The following TXNDC16 variants were observed in gnomAD, a reference collection of about 807,000 sequenced individuals.
The protein encoded by TXNDC16 is thioredoxin domain containing 16.
In TXNDC16, 74 loss-of-function variants were observed where a neutral mutation model predicts 85.6. That is an observed-to-expected ratio of 0.86 (90% CI 0.72 to 1.05). The LOEUF (loss-of-function observed/expected upper bound fraction) is 1.05. TXNDC16 is among the 50% of genes least tolerant of loss of function. The probability of loss-of-function intolerance (pLI) is 0.00; values close to 1 mark genes in which losing one functional copy is unlikely to be tolerated. For missense variants in TXNDC16, 959 were observed against 947.0 expected, an observed-to-expected ratio of 1.01 and a Z score of -0.17; for synonymous variants, 335 against 326.5, an observed-to-expected ratio of 1.03 and a Z score of -0.28.
At chr14:52,540,767 C>T (rs2037812873) in intron 4 of TXNDC16, among the ~76,000 whole-genome samples, 1 of 152,184 alleles carries the variant, frequency 6.6e-6, no homozygotes, top group African/African-American at 2.4e-5. Context: ...AAGAAAAGGA[C>T]AGGGGCTTAG....
intron 12 of TXNDC16, among the ~76,000 whole-genome samples, chr14:52,486,329 G>C (rs186962474): frequency 3.4e-4 from 50 of 147,462 alleles, no homozygotes; most frequent in Admixed American, 1.2e-3. Context: ...TGTTGCCCAG[G>C]TAGGAGTGCA....
rs2036863181 is a variant in TXNDC16 at position 52,508,239 on chromosome 14, T to A, written c.756+3001A>T. Among the ~76,000 whole-genome samples, 6 of 152,036 alleles carry A rather than the reference T, an allele frequency of 3.9e-5. No individual in the cohort carries two copies. The South Asian group carries it at 1.2e-3, about 32-fold the overall frequency. On this transcript the variant is annotated intron_variant, in intron 9 of 20. Transcript: ENST00000281741. The stretch of plus-strand genomic sequence containing the variant: ...TACAAGAGAAAAACAAACAACCCCA[T>A]CAACAAGTGGGCGAAGGATATGAAT...
At chr14:52,550,368 T>C (rs1306867639) in intron 1 of TXNDC16, among the ~76,000 whole-genome samples, 1 of 152,180 alleles carries the variant, frequency 6.6e-6, no homozygotes, top group Admixed American at 6.5e-5. Flanking sequence ...TCAAATAAAA[T>C]GTTGATCAGA....
intron 14 of TXNDC16, 113 bp from the exon 15 acceptor site, chr14:52,470,793 C>T (rs2035889548): frequency 2.1e-6 from 2 of 934,872 alleles, no homozygotes; most frequent in Non-Finnish European, 3.1e-6. Context: ...GCATGAAACA[C>T]TCCTGCTTAA....
chr14:52,451,574 C>T (rs2035413545), intron 18 of TXNDC16, among the ~76,000 whole-genome samples: 1 of 151,988 alleles, frequency 6.6e-6, no homozygotes, highest in African/African-American at 2.4e-5. Flanking sequence ...TACATTATAT[C>T]AACACAATAA....
At chr14:52,479,827 A>C (rs955067590) in intron 14 of TXNDC16, among the ~76,000 whole-genome samples, 1 of 152,084 alleles carries the variant, frequency 6.6e-6, no homozygotes, top group Non-Finnish European at 1.5e-5. Context: ...ACAATCCTAA[A>C]ATTCACATGG....
Position 52,519,987 on chromosome 14 carries a change from CT to C in TXNDC16, c.393-695del, listed in dbSNP as rs577940597. On this transcript the variant is annotated intron_variant, in intron 6 of 20. Coordinates refer to ENST00000281741, the MANE Select transcript of TXNDC16 (RefSeq NM_020784.3). ...ACCTTTCTCATTAAACCCTCATGCCCTTGAGGCAAGGATTTTGCATATTTTA... is the reference window on the plus strand; with the variant it reads ...ACCTTTCTCATTAAACCCTCATGCCCTGAGGCAAGGATTTTGCATATTTTA... Among the ~76,000 whole-genome samples, 16 of 152,184 alleles carry C rather than the reference CT, an allele frequency of 1.1e-4. No homozygotes were observed. The South Asian group carries it at 3.1e-3, about 30-fold the overall frequency.
At chr14:52,506,490 T>C (rs1002385551) in intron 9 of TXNDC16, among the ~76,000 whole-genome samples, 2 of 147,252 alleles carry the variant, frequency 1.4e-5, no homozygotes, top group Admixed American at 6.8e-5. Context: ...ATCATCTCAA[T>C]AGATGCAGAA....
chr14:52,459,990 C>T (rs1395572842), intron 16 of TXNDC16, among the ~76,000 whole-genome samples: 1 of 152,108 alleles, frequency 6.6e-6, no homozygotes, highest in Non-Finnish European at 1.5e-5. Context: ...CCCTTGAAAA[C>T]TGGCACAAGA....
At chr14:52,468,074 G>A (rs1311345352) in intron 16 of TXNDC16, among the ~76,000 whole-genome samples, 1 of 152,164 alleles carries the variant, frequency 6.6e-6, no homozygotes, top group Non-Finnish European at 1.5e-5. Context: ...AAAGTAGAGT[G>A]GTGGTTACCA....
rs200186212 is a variant in TXNDC16, at chr14:52,539,293, A to AT, written c.244-1622dup. Among the ~76,000 whole-genome samples, 237 of 152,374 alleles carry AT rather than the reference A, an allele frequency of 1.6e-3. 4 individuals carry two copies. In the East Asian group the frequency reaches 0.044, roughly 28 times the overall value. On this transcript the variant is annotated intron_variant, in intron 4 of 20. Coordinates refer to ENST00000281741, the MANE Select transcript of TXNDC16 (RefSeq NM_020784.3). ...AAGAACTGAAGAAATGCAGTAATGC[A>AT]TAAAAGTATACAAATAAGTATAAGA...
intron 6 of TXNDC16, among the ~76,000 whole-genome samples, chr14:52,529,632 A>G (rs2037434653): frequency 9.6e-6 from 1 of 103,684 alleles, no homozygotes; most frequent in Admixed American, 1.2e-4. Context: ...TATATTATAT[A>G]TAATGCCTAT....
intron 9 of TXNDC16, among the ~76,000 whole-genome samples, chr14:52,498,405 T>TCACACACACA (rs140586435): frequency 6.8e-6 from 1 of 146,208 alleles, no homozygotes; most frequent in Non-Finnish European, 1.5e-5. Flanking sequence ...ACCCTAAAGA[T>TCACACACACA]CACACACACA....
At position 52,434,993 on chromosome 14, in the gene TXNDC16, G is replaced by C. The variant is rs1036997518; in HGVS notation, c.2195-2406C>G. Among the ~76,000 whole-genome samples, 5 of 152,322 alleles carry C rather than the reference G, an allele frequency of 3.3e-5. No homozygotes were observed. The East Asian group carries it at 9.6e-4, about 29-fold the overall frequency. On this transcript the variant is annotated intron_variant, in intron 20 of 20. Coordinates refer to ENST00000281741, the MANE Select transcript of TXNDC16 (RefSeq NM_020784.3). ...GATTCTTTCCTCTGGGTAATGGTTT[G>C]AGCTGAGGAATCAAAGCCCTCAGGG...
In TXNDC16 at chr14:52,431,810, T is replaced by C. The variant is rs1312952318; in HGVS notation, c.*494A>G. 1.3e-5 allele frequency: 2 copies of C among 152,304 alleles called. No homozygotes were observed. Among genetic ancestry groups the C allele is most frequent in the South Asian group, 2.1e-4 (1 of 4,832 alleles). The allele number at this position is 152,304 out of a possible 1,614,324, so 9.4% of individuals were successfully genotyped here. The stretch of plus-strand genomic sequence containing the variant: ...AAAACAAATATAACTGTCAGCTGCA[T>C]GAATGCACTGTGGAGTTAACTGTGA... On this transcript the variant is annotated 3_prime_UTR_variant, in exon 21 of 21. Coordinates refer to ENST00000281741, the MANE Select transcript of TXNDC16 (RefSeq NM_020784.3).
chr14:52,474,898 A>C (rs1229287419), intron 14 of TXNDC16, among the ~76,000 whole-genome samples: 3 of 152,176 alleles, frequency 2.0e-5, no homozygotes, highest in Non-Finnish European at 4.4e-5. Flanking sequence ...AACTGCAGCA[A>C]TACATTAGGA....
rs933451233 is a variant in TXNDC16, at chr14:52,432,071, G to A, written c.*233C>T. On this transcript the variant is annotated 3_prime_UTR_variant, in exon 21 of 21. Coordinates refer to ENST00000281741, the MANE Select transcript of TXNDC16 (RefSeq NM_020784.3). ...ATCTCATTAATAATTTCTATATTTCGCTATTTTGGGTATACTACTGGGTGA... is the reference window on the plus strand; with the variant it reads ...ATCTCATTAATAATTTCTATATTTCACTATTTTGGGTATACTACTGGGTGA... The A allele has an allele frequency of 1.8e-5, 6 of 332,932 alleles. No individual in the cohort carries two copies. Among genetic ancestry groups the A allele is most frequent in the Admixed American group, 4.8e-5 (1 of 20,966 alleles). The allele number at this position is 332,932 out of a possible 1,614,324, so 20.6% of individuals were successfully genotyped here.
intron 16 of TXNDC16, among the ~76,000 whole-genome samples, chr14:52,462,021 C>T (rs897847829): frequency 6.6e-6 from 1 of 152,224 alleles, no homozygotes; most frequent in African/African-American, 2.4e-5. Flanking sequence ...ATTTAAGTTA[C>T]ACTCTTGAAG....
intron 18 of TXNDC16, among the ~76,000 whole-genome samples, chr14:52,448,695 T>C (rs916146909): frequency 1.3e-5 from 2 of 152,018 alleles, no homozygotes; most frequent in Admixed American, 6.5e-5. Context: ...GACTAAACAA[T>C]GGACCAATCA....
Sources: allele counts gnomAD v4.1 joint callset (sites outside exome capture counted in the v4.1 genomes callset), GRCh38; gene constraint gnomAD v4.1.1; transcripts MANE v1.5; gene names NCBI Gene and HGNC (gene_info 2026-07-23, HGNC 2026-07-21).